PCSK5: variants seen among roughly 807,000 people sequenced by gnomAD.
PCSK5 encodes prohormone convertase 5.
Under a neutral mutation model 233.2 loss-of-function variants are expected in PCSK5, and 129 were observed. The ratio of observed to expected loss-of-function variants is 0.55; its 90% CI spans 0.48 to 0.64. The LOEUF (loss-of-function observed/expected upper bound fraction) is 0.64, where lower values mean the gene tolerates loss of function less well. Among genes scored for constraint, PCSK5 ranks in the 30% least tolerant of loss-of-function variants. PCSK5 has a pLI of 0.00. For missense variants in PCSK5, 2,076 were observed against 2,430.1 expected (o/e 0.85, Z 3.06); for synonymous variants, 825 against 879.2 (o/e 0.94, Z 1.09).
intron 9 of PCSK5, among the ~76,000 whole-genome samples, chr9:76,119,544 A>T (rs1351353635): frequency 6.6e-6 from 1 of 152,128 alleles, no homozygotes; most frequent in Non-Finnish European, 1.5e-5. Flanking sequence ...TGGACCCCAG[A>T]TTAAAAAGCC....
rs143375177 is a variant in PCSK5, at chr9:76,329,642, G to A, written c.4570+1403G>A. On this transcript the variant is annotated intron_variant, in intron 33 of 37. Transcript: ENST00000674117. ...GAGGTCAGGAGTTCAAGACCAGCCT[G>A]ACCAACATGATGAAATCCCATCTCT... is the stretch of plus-strand genomic sequence containing the variant. 8.9e-4 allele frequency among the ~76,000 whole-genome samples: 136 copies of A among 152,128 alleles called. 1 individual carries two copies. The East Asian group carries it at 0.025, about 28-fold the overall frequency.
At position 76,338,234 on chromosome 9, in the gene PCSK5, T is replaced by A; in HGVS notation, c.4753T>A (p.Tyr1585Asn). The stretch of plus-strand genomic sequence containing the variant: ...TTTCTTCTCCTTTGGTTTCAGATAT[T>A]ACGCAGACAACTCCACTGGCCGGTG... ...ECLLQCREGY[Y>N]ADNSTGRCER... The change falls in exon 35 of 38, where the codon TAC becomes AAC. Residue 1585 changes from tyrosine (Y) to asparagine (N), a missense_variant. Tyr to Asn is a moderately radical substitution (Grantham distance 143). Coordinates refer to ENST00000674117, the MANE Select transcript of PCSK5 (RefSeq NM_001372043.1). 1 of 1,610,414 alleles carries A rather than the reference T, an allele frequency of 6.2e-7. No individual in the cohort carries two copies. The highest frequency in any genetic ancestry group is 1.3e-5 in the African/African-American group (1 of 75,030).
intron 20 of PCSK5, chr9:76,194,741 T>C: frequency 2.1e-6 from 1 of 465,758 alleles, no homozygotes. Flanking sequence ...CTTTTGACAG[T>C]TTCTCTGTTT....
chr9:76,191,552 A>C (rs1351160903), intron 20 of PCSK5, among the ~76,000 whole-genome samples: 1 of 152,212 alleles, frequency 6.6e-6, no homozygotes, highest in East Asian at 1.9e-4. Context: ...CACTGATAGG[A>C]CATCATTTGT....
intron 10 of PCSK5, among the ~76,000 whole-genome samples, chr9:76,140,691 T>G (rs1269677319): frequency 6.6e-6 from 1 of 152,084 alleles, no homozygotes. Flanking sequence ...GCAACTATAC[T>G]TAAATTCTGT....
chr9:76,332,391 T>C, intron 33 of PCSK5, 42 bp from the exon 34 acceptor site: 1 of 1,521,432 alleles, frequency 6.6e-7, no homozygotes, highest in East Asian at 2.3e-5. Context: ...GAGACATGTG[T>C]CATGCTCGAT....
intron 30 of PCSK5, among the ~76,000 whole-genome samples, chr9:76,320,465 C>CTTCT (rs1554720984): frequency 0.061 from 6,235 of 101,872 alleles, 289 homozygotes; most frequent in South Asian, 0.076. Flanking sequence ...TACATTGTAG[C>CTTCT]TTTTTTTTTT....
chr9:76,233,804 G>A (rs139933360), intron 22 of PCSK5, among the ~76,000 whole-genome samples: 7 of 99,458 alleles, frequency 7.0e-5, no homozygotes, highest in African/African-American at 2.7e-4. Flanking sequence ...TAGACTCGGT[G>A]CCCTGGAAAA....
chr9:75,949,845 G>A (rs930308247), intron 2 of PCSK5, among the ~76,000 whole-genome samples: 6 of 152,110 alleles, frequency 3.9e-5, no homozygotes, highest in Admixed American at 6.6e-5. Context: ...TTTTGTGGGT[G>A]CATAATAGGT....
chr9:76,108,651 G>C (rs925389738), intron 9 of PCSK5, among the ~76,000 whole-genome samples: 1 of 152,292 alleles, frequency 6.6e-6, no homozygotes, highest in Admixed American at 6.5e-5. Flanking sequence ...TACTGGGGAG[G>C]CTGAGGCAGG....
chr9:75,902,074 G>A (rs1025392049), intron 1 of PCSK5, among the ~76,000 whole-genome samples: 4 of 151,746 alleles, frequency 2.6e-5, no homozygotes, highest in African/African-American at 7.3e-5. Context: ...AAATTAGCGG[G>A]GTGTGGTGTC....
At chr9:76,055,432 A>G (rs186583146) in intron 5 of PCSK5, among the ~76,000 whole-genome samples, 43 of 152,114 alleles carry the variant, frequency 2.8e-4, no homozygotes, top group Non-Finnish European at 5.9e-4. Flanking sequence ...TCTCAAATAT[A>G]TTTTGGTAAG....
intron 5 of PCSK5, among the ~76,000 whole-genome samples, chr9:76,067,146 T>C (rs963308362): frequency 3.3e-5 from 5 of 152,230 alleles, no homozygotes; most frequent in Non-Finnish European, 5.9e-5. Context: ...TGAAAACTTC[T>C]TTGCCATCCT....
intron 30 of PCSK5, among the ~76,000 whole-genome samples, chr9:76,318,383 T>A (rs1366689687): frequency 1.3e-5 from 2 of 151,664 alleles, no homozygotes; most frequent in African/African-American, 4.8e-5. Context: ...GATGAGTTGA[T>A]GGGTGCAGCA....
intron 5 of PCSK5, among the ~76,000 whole-genome samples, chr9:76,039,550 T>A (rs562603994): frequency 2.6e-5 from 4 of 152,318 alleles, no homozygotes; most frequent in Admixed American, 6.5e-5. Context: ...GGTAAATTGT[T>A]TAATAAAATT....
At chr9:76,118,646 A>G (rs1276505372) in intron 9 of PCSK5, among the ~76,000 whole-genome samples, 1 of 152,014 alleles carries the variant, frequency 6.6e-6, no homozygotes, top group African/African-American at 2.4e-5. Context: ...CCATTTTTAA[A>G]ATGTAGGTGT....
chr9:76,348,663 ACT>A (rs1010220160), intron 35 of PCSK5, among the ~76,000 whole-genome samples: 2 of 151,918 alleles, frequency 1.3e-5, no homozygotes, highest in Non-Finnish European at 2.9e-5. Context: ...TCTGAAATTT[ACT>A]CTCTTACCAA....
At chr9:76,048,070 A>T (rs544962160) in intron 5 of PCSK5, among the ~76,000 whole-genome samples, 6 of 152,014 alleles carry the variant, frequency 3.9e-5, no homozygotes, top group African/African-American at 1.4e-4. Context: ...TCTTTCTTCC[A>T]TTTTTACTGA....
At chr9:76,173,092 G>A (rs943377129) in intron 13 of PCSK5, among the ~76,000 whole-genome samples, 2 of 152,210 alleles carry the variant, frequency 1.3e-5, no homozygotes, top group Non-Finnish European at 2.9e-5. Flanking sequence ...CTTTGAGGAA[G>A]TTACCAACCT....
Sources: gnomAD v4.1 joint callset for allele counts (sites outside exome capture counted in the v4.1 genomes callset) on GRCh38, gnomAD v4.1.1 for gene constraint, MANE v1.5 for transcripts, NCBI Gene and HGNC (gene_info 2026-07-23, HGNC 2026-07-21) for gene names.